The following BCL2L14 variants were observed in gnomAD, a reference collection of about 807,000 sequenced individuals.
The protein encoded by BCL2L14 is BCL2 like 14.
BCL2L14 carries 27 observed loss-of-function variants against 35.3 expected under a neutral mutation model. The observed-to-expected ratio is 0.76, with a 90% CI of 0.56 to 1.05. The LOEUF is 1.05. BCL2L14 is among the 50% of genes least tolerant of loss of function. The pLI is 0.00. For missense variants in BCL2L14, 377 were observed against 382.6 expected (o/e 0.99, Z 0.12); for synonymous variants, 139 against 145.9 (o/e 0.95, Z 0.34).
chr12:12,060,753 C>G (rs1245208023), intron 2 of BCL2L14, among the ~76,000 whole-genome samples: 1 of 103,480 alleles, frequency 9.7e-6, no homozygotes, highest in East Asian at 3.1e-4. Flanking sequence ...CGGGACCCCA[C>G]TGGAAATCAG....
chr12:12,089,421 C>A (rs939922631), intron 3 of BCL2L14, among the ~76,000 whole-genome samples: 1 of 147,548 alleles, frequency 6.8e-6, no homozygotes, highest in African/African-American at 2.5e-5. Flanking sequence ...CAAGCCTGGG[C>A]ACGGTGGCTT....
intron 1 of BCL2L14, chr12:12,071,963 G>A (rs986726469): frequency 6.6e-6 from 1 of 152,584 alleles, no homozygotes; most frequent in Admixed American, 6.5e-5. Flanking sequence ...CTGAGCTTAG[G>A]ATGTGCTGTG....
At chr12:12,051,263 G>A (rs553968976) in intron 1 of BCL2L14, among the ~76,000 whole-genome samples, 1 of 152,316 alleles carries the variant, frequency 6.6e-6, no homozygotes, top group South Asian at 2.1e-4. Flanking sequence ...CCAGACTCAG[G>A]TCTACTGGGC....
chr12:12,066,024 C>G (rs1185891626), upstream of BCL2L14, among the ~76,000 whole-genome samples: 1 of 152,186 alleles, frequency 6.6e-6, no homozygotes, highest in Non-Finnish European at 1.5e-5. Flanking sequence ...CTCCTGACCT[C>G]AGATGATCCA....
chr12:12,089,927 T>C (rs974330357), intron 3 of BCL2L14, among the ~76,000 whole-genome samples: 6 of 152,220 alleles, frequency 3.9e-5, no homozygotes, highest in African/African-American at 1.4e-4. Flanking sequence ...TAAGACGGAT[T>C]TGGGAATTAG....
chr12:12,093,948 T>C (rs553606189), intron 4 of BCL2L14, among the ~76,000 whole-genome samples: 1 of 147,014 alleles, frequency 6.8e-6, no homozygotes, highest in Non-Finnish European at 1.5e-5. Context: ...TACAAAAAAA[T>C]AGAAAAAAAT....
chr12:12,087,826 G>A (rs1226553173), intron 3 of BCL2L14, among the ~76,000 whole-genome samples: 1 of 152,224 alleles, frequency 6.6e-6, no homozygotes, highest in Non-Finnish European at 1.5e-5. Context: ...CAGCTATGGT[G>A]CAAGACATGG....
intron 3 of BCL2L14, among the ~76,000 whole-genome samples, chr12:12,089,372 TA>T (rs113134874): frequency 0.4 from 49,654 of 125,504 alleles, 8,539 homozygotes; most frequent in Middle Eastern, 0.41. Flanking sequence ...TCCATCTCAA[TA>T]AAAAAAAAAA....
At chr12:12,073,953 G>C (rs1000004613) in intron 1 of BCL2L14, among the ~76,000 whole-genome samples, 2 of 152,190 alleles carry the variant, frequency 1.3e-5, no homozygotes, top group East Asian at 3.9e-4. Flanking sequence ...CGCACCTCAG[G>C]TCTCAGTGTG....
chr12:12,080,919 C>T (rs966517269), intron 2 of BCL2L14, among the ~76,000 whole-genome samples: 1 of 152,204 alleles, frequency 6.6e-6, no homozygotes, highest in Non-Finnish European at 1.5e-5. Context: ...CACTGAGGCT[C>T]ATACCTGTAA....
At chr12:12,070,758 G>T (rs1287763896), upstream of BCL2L14, among the ~76,000 whole-genome samples, 1 of 152,090 alleles carries the variant, frequency 6.6e-6, no homozygotes, top group South Asian at 2.1e-4. Context: ...ACTAACAACT[G>T]ATAAGGATAG....
rs758360894 is a variant in BCL2L14, at chr12:12,094,738, C to G, written c.753C>G (p.Asp251Glu). 2 of 1,614,220 alleles carry G rather than the reference C, an allele frequency of 1.2e-6. No homozygotes were observed. Among genetic ancestry groups the G allele is most frequent in the South Asian group, 1.1e-5 (1 of 91,084 alleles). ...ACTCTGTTTTCAAGACCATCACAGA[C>G]CAGGTCCTAATGGGTGTGGACCCCA... ...LSYSVFKTIT[D>E]QVLMGVDPRG... is the part of the protein sequence containing the mutation. The change falls in exon 5 of 6, where the codon GAC (aspartate) becomes GAG (glutamate). Residue 251 changes from aspartate (D) to glutamate (E), a missense_variant. Asp to Glu is a conservative substitution (Grantham distance 45). Coordinates refer to ENST00000308721, the MANE Select transcript of BCL2L14 (RefSeq NM_138723.2).
At chr12:12,084,759 C>T (rs771050854) in intron 2 of BCL2L14, among the ~76,000 whole-genome samples, 3 of 152,086 alleles carry the variant, frequency 2.0e-5, no homozygotes, top group Non-Finnish European at 4.4e-5. Flanking sequence ...CTTATAGTTT[C>T]TCCTGGACAT....
At position 12,060,790 on chromosome 12, in the gene BCL2L14, C is replaced by T. The variant is rs1159231501; in HGVS notation, c.-272+8943C>T. 2.3e-3 allele frequency among the ~76,000 whole-genome samples: 302 copies of T among 129,084 alleles called. 2 individuals are homozygous for T. Among genetic ancestry groups the T allele is most frequent in the African/African-American group, 8.8e-3 (294 of 33,328 alleles). The allele number at this position is 129,084 out of a possible 152,430, so 84.7% of individuals were successfully genotyped here. On this transcript the variant is annotated intron_variant, in intron 2 of 3. Transcript: ENST00000461264. Reference sequence around the variant, plus strand: ...CTGTTCAACTCACCTGGCAGCCACTCCCAGAGCCCCTGGAACTCTGGCCGA... The same window carrying T: ...CTGTTCAACTCACCTGGCAGCCACTTCCAGAGCCCCTGGAACTCTGGCCGA...
intron 3 of BCL2L14, among the ~76,000 whole-genome samples, chr12:12,090,084 T>C (rs934739330): frequency 1.2e-4 from 18 of 152,242 alleles, no homozygotes; most frequent in African/African-American, 4.1e-4. Context: ...AAAAGCACCA[T>C]CTGCTGAGGA....
rs1478850309 is a variant in BCL2L14, at chr12:12,099,124, T to C, written c.*136T>C. The C allele has an allele frequency of 9.0e-6, 6 of 666,142 alleles. No individual in the cohort carries two copies. Among genetic ancestry groups the C allele is most frequent in the Admixed American group, 5.1e-5 (2 of 39,290 alleles). 41.3% of individuals were successfully genotyped at this position (666,142 alleles called of 1,614,324 possible). On this transcript the variant is annotated 3_prime_UTR_variant, in exon 6 of 6. Coordinates refer to ENST00000308721, the MANE Select transcript of BCL2L14 (RefSeq NM_138723.2). Reference sequence around the variant, plus strand: ...TTTTCAAAACCATTATTCCTGTGACTGGAGAGGCATCAGGAGAGGTCTCGT... The same window carrying C: ...TTTTCAAAACCATTATTCCTGTGACCGGAGAGGCATCAGGAGAGGTCTCGT...
intron 2 of BCL2L14, among the ~76,000 whole-genome samples, chr12:12,081,682 C>T (rs1431317637): frequency 1.3e-5 from 2 of 152,106 alleles, no homozygotes; most frequent in African/African-American, 4.8e-5. Context: ...CCTCAGCCTC[C>T]TGAGTAGCTG....
At chr12:12,059,457 C>A (rs561414865) in intron 2 of BCL2L14, among the ~76,000 whole-genome samples, 2 of 152,142 alleles carry the variant, frequency 1.3e-5, no homozygotes, top group Admixed American at 1.3e-4. Context: ...TGCCCCAATC[C>A]CTTATTTCTG....
intron 2 of BCL2L14, among the ~76,000 whole-genome samples, chr12:12,060,318 TA>T (rs144784071): frequency 0.78 from 95,232 of 121,974 alleles, 37,576 homozygotes; most frequent in East Asian, 1. Flanking sequence ...TCATCAAATA[TA>T]AAAAACCCAG....
Sources: allele counts gnomAD v4.1 joint callset (sites outside exome capture counted in the v4.1 genomes callset), GRCh38; gene constraint gnomAD v4.1.1; transcripts MANE v1.5; gene names NCBI Gene and HGNC (gene_info 2026-07-23, HGNC 2026-07-21).